The following TMEM232 variants were observed in gnomAD, a reference collection of about 807,000 sequenced individuals.
TMEM232 encodes transmembrane protein 232.
A neutral mutation model predicts 78.8 loss-of-function variants in TMEM232; 80 were observed. That is an observed-to-expected ratio of 1.01 (90% CI 0.85 to 1.22). The LOEUF (loss-of-function observed/expected upper bound fraction) is 1.22. TMEM232 is among the 50% of genes most tolerant of loss of function. The pLI, the probability that TMEM232 is intolerant of heterozygous loss-of-function variation, is 0.00. For synonymous variants in TMEM232, 297 were observed against 254.3 expected, an observed-to-expected ratio of 1.17 and a Z score of -1.60; for missense variants, 881 against 742.2, an observed-to-expected ratio of 1.19 and a Z score of -2.17.
At chr5:110,499,581 C>A (rs1342755519) in intron 12 of TMEM232, among the ~76,000 whole-genome samples, 2 of 150,064 alleles carry the variant, frequency 1.3e-5, no homozygotes, top group Non-Finnish European at 3.0e-5. Flanking sequence ...AATTAAAAGA[C>A]ATAGATAAGG....
intron 2 of TMEM232, among the ~76,000 whole-genome samples, chr5:110,655,935 T>C (rs1788984552): frequency 1.4e-5 from 2 of 145,188 alleles, no homozygotes; most frequent in African/African-American, 2.5e-5. Flanking sequence ...AGGGATAGCA[T>C]TAGGAGATAT....
intron 2 of TMEM232, among the ~76,000 whole-genome samples, chr5:110,651,031 T>C (rs1297546122): frequency 1.3e-5 from 2 of 152,292 alleles, no homozygotes; most frequent in African/African-American, 4.8e-5. Context: ...CACTTCAAGA[T>C]ACAGCTTACC....
intron 12 of TMEM232, among the ~76,000 whole-genome samples, chr5:110,448,526 A>G (rs2112808186): frequency 6.6e-6 from 1 of 152,212 alleles, no homozygotes; most frequent in South Asian, 2.1e-4. Context: ...ATTGTTTTAA[A>G]TTTGGTTACA....
intron 11 of TMEM232, among the ~76,000 whole-genome samples, chr5:110,563,625 A>G (rs1776002366): frequency 6.6e-6 from 1 of 151,970 alleles, no homozygotes; most frequent in African/African-American, 2.4e-5. Context: ...AAGGTCCAAC[A>G]AACAGTTTAT....
At chr5:110,396,343 C>G (rs1755386978) in intron 3 of TMEM232, among the ~76,000 whole-genome samples, 1 of 152,090 alleles carries the variant, frequency 6.6e-6, no homozygotes, top group Non-Finnish European at 1.5e-5. Flanking sequence ...GACACAAAAC[C>G]AAACCATATC....
At chr5:110,637,874 A>G (rs1253338197) in intron 5 of TMEM232, among the ~76,000 whole-genome samples, 2 of 152,078 alleles carry the variant, frequency 1.3e-5, no homozygotes, top group Non-Finnish European at 2.9e-5. Flanking sequence ...TAAATGGCAA[A>G]GGAGGTGGCA....
intron 1 of TMEM232, among the ~76,000 whole-genome samples, chr5:110,670,108 T>C (rs955447100): frequency 3.3e-5 from 5 of 152,092 alleles, no homozygotes; most frequent in African/African-American, 1.2e-4. Context: ...TCTTATTCAA[T>C]ATAGTGTTGG....
At chr5:110,583,709 T>C (rs1778462956) in intron 10 of TMEM232, among the ~76,000 whole-genome samples, 1 of 151,550 alleles carries the variant, frequency 6.6e-6, no homozygotes, top group South Asian at 2.1e-4. Flanking sequence ...TCTTACAGAA[T>C]GGGGGGATTA....
chr5:110,422,669 T>C (rs1023722759), intron 13 of TMEM232, among the ~76,000 whole-genome samples: 7 of 151,572 alleles, frequency 4.6e-5, no homozygotes, highest in African/African-American at 7.3e-5. Flanking sequence ...AGGGGTATCA[T>C]ATCATCACTG....
intron 2 of TMEM232, among the ~76,000 whole-genome samples, chr5:110,404,707 G>A (rs1755723253): frequency 6.6e-6 from 1 of 151,964 alleles, no homozygotes; most frequent in Non-Finnish European, 1.5e-5. Context: ...TTTTCTAAGG[G>A]GCGAAAAAGG....
intron 2 of TMEM232, among the ~76,000 whole-genome samples, chr5:110,642,583 T>A (rs766784251): frequency 6.6e-6 from 1 of 152,146 alleles, no homozygotes; most frequent in Non-Finnish European, 1.5e-5. Flanking sequence ...ATAATTCCCA[T>A]TGTCAAAGAC....
chr5:110,401,344 A>G lies in TMEM232; in HGVS notation n.309-3490T>C, dbSNP rs141109674. On this transcript the variant is annotated intron_variant and non_coding_transcript_variant, in intron 2 of 8. Coordinates refer to the TMEM232 transcript ENST00000507188. The stretch of plus-strand genomic sequence containing the variant: ...TAAGTTGCACAAATTTCAAGTGTCA[A>G]TAATGGATTTTCTTTAGTCCGTTTC... Among the ~76,000 whole-genome samples, 490 of 151,962 alleles carry G rather than the reference A, an allele frequency of 3.2e-3. 1 individual carries two copies. The highest frequency in any genetic ancestry group is 0.011 in the African/African-American group (470 of 41,346).
intron 12 of TMEM232, among the ~76,000 whole-genome samples, chr5:110,477,922 AT>A (rs939255821): frequency 6.6e-6 from 1 of 151,872 alleles, no homozygotes; most frequent in Non-Finnish European, 1.5e-5. Flanking sequence ...CTGTGACAAC[AT>A]TTTATTTCAT....
intron 12 of TMEM232, among the ~76,000 whole-genome samples, chr5:110,441,975 G>T (rs1759098602): frequency 1.5e-5 from 2 of 136,024 alleles, no homozygotes; most frequent in African/African-American, 5.6e-5. Flanking sequence ...GGTTTCCACT[G>T]AAAAGTCTGT....
intron 9 of TMEM232, 79 bp downstream of exon 9, chr5:110,606,085 G>T: frequency 7.2e-7 from 1 of 1,380,832 alleles, no homozygotes; most frequent in Non-Finnish European, 9.7e-7. Flanking sequence ...GCGCTAATAC[G>T]ATATACAATT....
intron 2 of TMEM232, among the ~76,000 whole-genome samples, chr5:110,658,057 G>T (rs1180376308): frequency 6.6e-6 from 1 of 152,004 alleles, no homozygotes; most frequent in Non-Finnish European, 1.5e-5. Flanking sequence ...AGGAATTCAG[G>T]GACAGATTTA....
In TMEM232 at chr5:110,524,416, A is replaced by AAAGAAAG. The variant is rs200451395; in HGVS notation, c.1703+4171_1703+4172insCTTTCTT. 2.0e-4 allele frequency among the ~76,000 whole-genome samples: 13 copies of AAAGAAAG among 65,376 alleles called. No homozygotes were observed. In the East Asian group the frequency reaches 2.1e-3, roughly 11 times the overall value. 42.9% of individuals were successfully genotyped at this position (65,376 alleles called of 152,430 possible). A position where few individuals can be genotyped will look rare whatever the true frequency, so the allele number is the denominator to read the frequency against. ...GAAAGAAAGAAAGAAAGAAAGAAAG[A>AAAGAAAG]AAAGAAAAGAAAAGAAAAGAAAAGA... On this transcript the variant is annotated intron_variant, in intron 12 of 13. Transcript: ENST00000455884.
chr5:110,412,872 T>A (rs1409017315), intron 2 of TMEM232, among the ~76,000 whole-genome samples: 1 of 152,170 alleles, frequency 6.6e-6, no homozygotes, highest in Non-Finnish European at 1.5e-5. Flanking sequence ...TATTAAATAT[T>A]AATTTTTTAA....
Position 110,564,839 on chromosome 5 carries a change from C to T in TMEM232, c.1455+3608G>A, listed in dbSNP as rs114249307. Among the ~76,000 whole-genome samples, 427 of 151,942 alleles carry T rather than the reference C, an allele frequency of 2.8e-3. 3 individuals are homozygous for T. Among genetic ancestry groups the T allele is most frequent in the African/African-American group, 0.01 (416 of 41,498 alleles). On this transcript the variant is annotated intron_variant, in intron 11 of 13. Coordinates refer to ENST00000455884, the MANE Select transcript of TMEM232 (RefSeq NM_001039763.4). ...CATTGCCTGAAGAGAAAATACCAAC[C>T]CAATTTTCCCCCACCTATTTTGGAA...
Sources: gnomAD v4.1 joint callset for allele counts (sites outside exome capture counted in the v4.1 genomes callset) on GRCh38, gnomAD v4.1.1 for gene constraint, MANE v1.5 for transcripts, NCBI Gene and HGNC (gene_info 2026-07-23, HGNC 2026-07-21) for gene names.